Variants in CRPPA observed in about 807,000 individuals in gnomAD.
The protein encoded by CRPPA is D-ribitol-5-phosphate cytidylyltransferase.
CRPPA carries 43 observed loss-of-function variants against 52.0 expected under a neutral mutation model. That is an observed-to-expected ratio of 0.83 (90% CI 0.65 to 1.07). The LOEUF is 1.07. Among genes scored for constraint, CRPPA ranks in the 50% least tolerant of loss-of-function variants. The pLI, the probability that CRPPA is intolerant of heterozygous loss-of-function variation, is 0.00. For synonymous variants in CRPPA, 250 were observed against 203.5 expected, an observed-to-expected ratio of 1.23 and a Z score of -1.94; for missense variants, 629 against 551.7, an observed-to-expected ratio of 1.14 and a Z score of -1.40.
chr7:16,344,405 CAAAAA>C (rs35320924), intron 3 of CRPPA, among the ~76,000 whole-genome samples: 21 of 99,348 alleles, frequency 2.1e-4, no homozygotes, highest in East Asian at 1.8e-3. Context: ...TATCTCTACC[CAAAAA>C]AAAAAAAAAA....
intron 5 of CRPPA, among the ~76,000 whole-genome samples, chr7:16,278,535 A>G (rs1388968867): frequency 2.0e-5 from 3 of 152,206 alleles, no homozygotes; most frequent in Non-Finnish European, 4.4e-5. Context: ...AAGTTCAACA[A>G]TTCAATCTTT....
chr7:16,235,080 G>C (rs1782910327), intron 8 of CRPPA, among the ~76,000 whole-genome samples: 1 of 152,046 alleles, frequency 6.6e-6, no homozygotes, highest in South Asian at 2.1e-4. Flanking sequence ...TGTCCATTAA[G>C]AGATGAGAAG....
At chr7:16,146,765 C>T (rs1208196978) in intron 9 of CRPPA, among the ~76,000 whole-genome samples, 1 of 151,822 alleles carries the variant, frequency 6.6e-6, no homozygotes, top group Non-Finnish European at 1.5e-5. Context: ...ATAATAGACA[C>T]ACAAAAGATA....
At chr7:16,348,026 G>A (rs543033060) in intron 3 of CRPPA, among the ~76,000 whole-genome samples, 3 of 152,188 alleles carry the variant, frequency 2.0e-5, no homozygotes, top group Admixed American at 2.0e-4. Flanking sequence ...CTCTCTGGAA[G>A]GAGATTTACG....
intron 1 of CRPPA, among the ~76,000 whole-genome samples, chr7:16,412,516 A>C (rs1788096646): frequency 6.6e-6 from 1 of 152,230 alleles, no homozygotes; most frequent in Admixed American, 6.5e-5. Context: ...TTGGTCAGCA[A>C]CCAAGCATAC....
At chr7:16,275,389 T>C (rs1180917530) in intron 6 of CRPPA, among the ~76,000 whole-genome samples, 1 of 152,112 alleles carries the variant, frequency 6.6e-6, no homozygotes, top group Non-Finnish European at 1.5e-5. Context: ...CGTAGTATGT[T>C]AAAGCACCAG....
At chr7:16,104,999 T>C (rs1170173356) in intron 9 of CRPPA, among the ~76,000 whole-genome samples, 1 of 151,768 alleles carries the variant, frequency 6.6e-6, no homozygotes, top group Non-Finnish European at 1.5e-5. Context: ...AGACTTGAAA[T>C]GTCTAGAACT....
At chr7:16,099,443 G>A (rs1318917273) in intron 9 of CRPPA, among the ~76,000 whole-genome samples, 4 of 145,472 alleles carry the variant, frequency 2.7e-5, no homozygotes, top group Non-Finnish European at 4.6e-5. Context: ...GGAAAAAGGA[G>A]GGAGGGAAAA....
intron 9 of CRPPA, among the ~76,000 whole-genome samples, chr7:16,099,539 A>T (rs1397578677): frequency 3.3e-5 from 5 of 151,778 alleles, no homozygotes; most frequent in African/African-American, 1.2e-4. Flanking sequence ...GGGAAGGGAA[A>T]GGTTGGTCAA....
intron 3 of CRPPA, among the ~76,000 whole-genome samples, chr7:16,362,347 G>A (rs1171344912): frequency 6.6e-6 from 1 of 152,192 alleles, no homozygotes; most frequent in Non-Finnish European, 1.5e-5. Context: ...GGCAGAAAAG[G>A]TGGAAGGGCA....
intron 8 of CRPPA, among the ~76,000 whole-genome samples, chr7:16,249,769 G>A (rs1389030485): frequency 6.6e-6 from 1 of 152,116 alleles, no homozygotes. Flanking sequence ...CACAAAGATG[G>A]GGAGAAACCA....
At chr7:16,299,657 C>T (rs1360783083) in intron 5 of CRPPA, among the ~76,000 whole-genome samples, 4 of 152,078 alleles carry the variant, frequency 2.6e-5, no homozygotes, top group Admixed American at 2.0e-4. Flanking sequence ...AGTTTGTTGA[C>T]CTAAATGAGC....
intron 3 of CRPPA, among the ~76,000 whole-genome samples, chr7:16,346,290 C>G (rs1031635304): frequency 1.3e-5 from 2 of 151,616 alleles, no homozygotes; most frequent in Non-Finnish European, 2.9e-5. Flanking sequence ...AGTACTATGA[C>G]GGAAGTAAAA....
intron 3 of CRPPA, among the ~76,000 whole-genome samples, chr7:16,345,427 G>C (rs1785987609): frequency 6.6e-6 from 1 of 152,058 alleles, no homozygotes; most frequent in South Asian, 2.1e-4. Context: ...GTAAAAGTAA[G>C]CACATATACA....
At chr7:16,216,856 GC>G (rs1331559588) in intron 8 of CRPPA, among the ~76,000 whole-genome samples, 12 of 152,154 alleles carry the variant, frequency 7.9e-5, no homozygotes, top group Non-Finnish European at 1.6e-4. Context: ...CGGCAGCGAG[GC>G]CGGGGGAGGG....
chr7:16,314,178 G>A (rs956254499), intron 3 of CRPPA, among the ~76,000 whole-genome samples: 6 of 150,368 alleles, frequency 4.0e-5, no homozygotes, highest in African/African-American at 1.5e-4. Context: ...TATAAGGATG[G>A]TCTGTTGTTA....
At chr7:16,095,710 G>C (rs750190775) in intron 9 of CRPPA, among the ~76,000 whole-genome samples, 1 of 152,162 alleles carries the variant, frequency 6.6e-6, no homozygotes, top group Non-Finnish European at 1.5e-5. Context: ...AACCCAAGGA[G>C]AGCATAGCAA....
At chr7:16,225,346 C>T (rs1782619681) in intron 8 of CRPPA, among the ~76,000 whole-genome samples, 1 of 151,914 alleles carries the variant, frequency 6.6e-6, no homozygotes, top group African/African-American at 2.4e-5. Context: ...CAAGAACATA[C>T]TTTAACACTG....
intron 2 of CRPPA, among the ~76,000 whole-genome samples, chr7:16,385,356 T>C (rs895013438): frequency 4.6e-5 from 7 of 152,136 alleles, no homozygotes; most frequent in Middle Eastern, 3.4e-3. Flanking sequence ...AGACACATCA[T>C]AGTAAAAGTG....
Sources: gnomAD v4.1 joint callset for allele counts (sites outside exome capture counted in the v4.1 genomes callset) on GRCh38, gnomAD v4.1.1 for gene constraint, MANE v1.5 for transcripts, NCBI Gene and HGNC (gene_info 2026-07-23, HGNC 2026-07-21) for gene names.